FAM162B: variants seen among roughly 807,000 people sequenced by gnomAD.
FAM162B encodes the protein protein FAM162B.
FAM162B carries 16 observed loss-of-function variants against 20.0 expected under a neutral mutation model. The observed-to-expected ratio is 0.80, with a 90% CI of 0.54 to 1.21. The LOEUF (loss-of-function observed/expected upper bound fraction) is 1.21, where lower values mean the gene tolerates loss of function less well. Among genes scored for constraint, FAM162B ranks in the 50% most tolerant of loss-of-function variants. The pLI is 0.00. For synonymous variants in FAM162B, 83 were observed against 89.7 expected (o/e 0.93, Z 0.42); for missense variants, 260 against 227.5 (o/e 1.14, Z -0.92).
At chr6:116,757,386 T>A (rs1780062573) in intron 3 of FAM162B, among the ~76,000 whole-genome samples, 1 of 152,218 alleles carries the variant, frequency 6.6e-6, no homozygotes, top group Non-Finnish European at 1.5e-5. Flanking sequence ...AAATATATAA[T>A]ACGGTATATG....
At chr6:116,763,804 C>T (rs1437023265) in intron 2 of FAM162B, among the ~76,000 whole-genome samples, 1 of 143,934 alleles carries the variant, frequency 6.9e-6, no homozygotes, top group Non-Finnish European at 1.5e-5. Context: ...ACTTCTTTGG[C>T]ATTTATAGTA....
intron 3 of FAM162B, among the ~76,000 whole-genome samples, chr6:116,759,308 T>TA (rs1562468149): frequency 6.7e-6 from 1 of 149,276 alleles, no homozygotes; most frequent in Non-Finnish European, 1.5e-5. Flanking sequence ...TCTTTTTTTT[T>TA]TTTTTTTTAT....
intron 2 of FAM162B, among the ~76,000 whole-genome samples, chr6:116,762,332 T>A (rs893765655): frequency 3.9e-5 from 6 of 152,212 alleles, no homozygotes; most frequent in African/African-American, 1.4e-4. Context: ...AATATTAGTT[T>A]CTAATTCCTC....
chr6:116,761,731 TATACAC>T (rs1421362243), intron 3 of FAM162B, among the ~76,000 whole-genome samples: 4 of 144,878 alleles, frequency 2.8e-5, no homozygotes, highest in Admixed American at 7.0e-5. Flanking sequence ...TATACTTATA[TATACAC>T]ACACACACAC....
intron 3 of FAM162B, among the ~76,000 whole-genome samples, chr6:116,753,153 A>AC (rs932938480): frequency 6.6e-6 from 1 of 152,012 alleles, no homozygotes; most frequent in African/African-American, 2.4e-5. Context: ...CCTACTTGCT[A>AC]AAGTCAAAAA....
chr6:116,757,382 A>G (rs971301823), intron 3 of FAM162B, among the ~76,000 whole-genome samples: 3 of 152,260 alleles, frequency 2.0e-5, no homozygotes, highest in Non-Finnish European at 4.4e-5. Flanking sequence ...TGTTAAATAT[A>G]TAATACGGTA....
intron 3 of FAM162B, among the ~76,000 whole-genome samples, chr6:116,753,491 T>C (rs1255698296): frequency 1.3e-5 from 2 of 152,134 alleles, no homozygotes; most frequent in African/African-American, 4.8e-5. Context: ...GGGTTGCTGA[T>C]GACTTATCCA....
rs550652457 is a variant in FAM162B at position 116,755,083 on chromosome 6, T to C, written c.391-2388A>G. ...TAATAACCCTATAATGGCCTCTACA[T>C]GTTCAAGTAAAAGGAAGGGTTGTAC... is the stretch of plus-strand genomic sequence containing the variant. On this transcript the variant is annotated intron_variant, in intron 3 of 3. Transcript: ENST00000368557. Among the ~76,000 whole-genome samples the C allele has an allele frequency of 6.6e-5, 10 of 152,318 alleles. No homozygotes were observed. The South Asian group carries it at 1.2e-3, about 19-fold the overall frequency.
chr6:116,758,466 A>T (rs1780078246), intron 3 of FAM162B, among the ~76,000 whole-genome samples: 1 of 152,172 alleles, frequency 6.6e-6, no homozygotes, highest in South Asian at 2.1e-4. Flanking sequence ...CTTATAATTT[A>T]AGAAAATTAG....
intron 3 of FAM162B, among the ~76,000 whole-genome samples, chr6:116,754,105 A>T (rs9285419): frequency 0.35 from 52,622 of 151,984 alleles, 9,770 homozygotes; most frequent in African/African-American, 0.48. Flanking sequence ...ATAACTAACT[A>T]TTTCCCTATG....
chr6:116,756,793 C>G (rs1336282895), intron 3 of FAM162B, among the ~76,000 whole-genome samples: 1 of 152,208 alleles, frequency 6.6e-6, no homozygotes, highest in East Asian at 1.9e-4. Flanking sequence ...GATTACAACT[C>G]ATTGTGTACT....
At chr6:116,758,277 A>G (rs1279650826) in intron 3 of FAM162B, among the ~76,000 whole-genome samples, 1 of 152,204 alleles carries the variant, frequency 6.6e-6, no homozygotes. Context: ...AAGGTCATCA[A>G]TGGGGAGGAC....
intron 2 of FAM162B, among the ~76,000 whole-genome samples, chr6:116,764,794 G>A (rs1771876475): frequency 6.6e-6 from 1 of 152,174 alleles, no homozygotes; most frequent in Non-Finnish European, 1.5e-5. Context: ...TGGCGTCCCG[G>A]CAGCCATCCG....
At chr6:116,765,321 T>G (rs1771889378) in intron 1 of FAM162B, 66 bp from the exon 2 acceptor site, 4 of 1,565,834 alleles carry the variant, frequency 2.6e-6, no homozygotes. Context: ...CAGCGCGCCC[T>G]CAAGCCGACT....
chr6:116,761,868 G>T, intron 3 of FAM162B, 109 bp downstream of exon 3: 1 of 677,942 alleles, frequency 1.5e-6, no homozygotes, highest in Non-Finnish European at 2.4e-6. Flanking sequence ...TCACCCTTTG[G>T]GCTGACTAAG....
rs778746467 is a variant in FAM162B, at chr6:116,761,957, C to T, written c.390+20G>A. ...GTACTTACCCTTTTAACTGACTTGC[C>T]CTTTTAAGGAGATACTCACCCTTTT... On this transcript the variant is annotated intron_variant, in intron 3 of 3. Coordinates refer to ENST00000368557, the MANE Select transcript of FAM162B (RefSeq NM_001085480.3). 1.3e-6 allele frequency: 2 copies of T among 1,548,534 alleles called. No individual in the cohort carries two copies. The highest frequency in any genetic ancestry group is 1.8e-6 in the Non-Finnish European group (2 of 1,132,572).
chr6:116,755,992 A>C (rs1036588632), intron 3 of FAM162B, among the ~76,000 whole-genome samples: 2 of 152,196 alleles, frequency 1.3e-5, no homozygotes, highest in Non-Finnish European at 2.9e-5. Flanking sequence ...ATTTACAAGG[A>C]GATTAATATT....
At position 116,752,539 on chromosome 6, in the gene FAM162B, T is replaced by A; in HGVS notation, c.*58A>T. On this transcript the variant is annotated 3_prime_UTR_variant, in exon 4 of 4. Transcript: ENST00000368557. ...TGGTAAATATTCTATTTTTCCCATC[T>A]TCTACTGTTGCTGATGACAGGGATG... 1.1e-6 allele frequency: 1 copy of A among 881,278 alleles called. No individual in the cohort carries two copies. Among genetic ancestry groups the A allele is most frequent in the Non-Finnish European group, 1.7e-6 (1 of 593,028 alleles). 54.6% of individuals were successfully genotyped at this position (881,278 alleles called of 1,614,324 possible). A position where few individuals can be genotyped will look rare whatever the true frequency, so the allele number is the denominator to read the frequency against.
At chr6:116,752,727 T>G (rs765723881) in intron 3 of FAM162B, 32 bp from the exon 4 acceptor site, 10 of 614,994 alleles carry the variant, frequency 1.6e-5, no homozygotes, top group South Asian at 7.2e-5. Context: ...TATATATATA[T>G]ATATATAGAT....
Sources: allele counts gnomAD v4.1 joint callset (sites outside exome capture counted in the v4.1 genomes callset), GRCh38; gene constraint gnomAD v4.1.1; transcripts MANE v1.5; gene names NCBI Gene and HGNC (gene_info 2026-07-23, HGNC 2026-07-21).